The following ZNF519 variants were observed in gnomAD, a reference collection of about 807,000 sequenced individuals.
The protein encoded by ZNF519 is zinc finger protein 519, also known as similar to Zinc finger protein 85 (Zinc finger protein HPF4) (HTF1).
A neutral mutation model predicts 7.4 loss-of-function variants in ZNF519; 7 were observed. That is an observed-to-expected ratio of 0.94 (90% confidence interval 0.54 to 1.77). ZNF519 has a LOEUF of 1.77. ZNF519 is among the 40% of genes most tolerant of loss of function. The pLI is 0.00. For synonymous variants in ZNF519, 179 were observed against 203.3 expected (o/e 0.88, Z 1.02); for missense variants, 586 against 623.1 (o/e 0.94, Z 0.63).
chr18:14,117,313 T>C lies in ZNF519; in HGVS notation c.130+7037A>G, dbSNP rs374642024. 7.9e-5 allele frequency among the ~76,000 whole-genome samples: 12 copies of C among 152,242 alleles called. No individual in the cohort carries two copies. In the East Asian group the frequency reaches 2.3e-3, roughly 29 times the overall value. On this transcript the variant is annotated intron_variant, in intron 2 of 2. Coordinates refer to ENST00000590202, the MANE Select transcript of ZNF519 (RefSeq NM_145287.4). ...TTCTCCAAAGATGAAATAATACACA[T>C]AGCAATTACTGAAAACATTTCTAGT...
intron 2 of ZNF519, among the ~76,000 whole-genome samples, chr18:14,121,094 C>G (rs1309552223): frequency 1.3e-5 from 2 of 151,996 alleles, no homozygotes; most frequent in African/African-American, 4.8e-5. Context: ...GAAAGACAAA[C>G]TGTATGTTCT....
rs1466539872 is a variant in ZNF519 at position 14,106,234 on chromosome 18, G to A, written c.306C>T (p.Ser102=). ...TGTTATGACTAGTTGTCAAATATTG[G>A]CTACATAGATTATAACATTCCTTTT... The part of the protein sequence containing the change: ...EGQKECYNLC[S]QYLTTSHNKH... The change falls in exon 3 of 3, where the codon AGC becomes AGT. Residue 102 remains serine, a synonymous_variant. Transcript: ENST00000590202. 3 of 1,613,412 alleles carry A rather than the reference G, an allele frequency of 1.9e-6. No individual in the cohort carries two copies. The highest frequency in any genetic ancestry group is 1.7e-5 in the Admixed American group (1 of 59,908).
intron 2 of ZNF519, among the ~76,000 whole-genome samples, chr18:14,111,799 A>G (rs1189618611): frequency 3.3e-5 from 5 of 152,164 alleles, no homozygotes; most frequent in African/African-American, 1.2e-4. Flanking sequence ...ACCTCCTATG[A>G]GAGAAAAGCC....
At chr18:14,127,716 G>A (rs979224378) in intron 1 of ZNF519, among the ~76,000 whole-genome samples, 15 of 152,106 alleles carry the variant, frequency 9.9e-5, no homozygotes, top group Non-Finnish European at 1.9e-4. Flanking sequence ...AAGATGCCAG[G>A]AGCACTAATG....
chr18:14,128,593 A>G (rs2046313318), intron 1 of ZNF519, among the ~76,000 whole-genome samples: 1 of 151,706 alleles, frequency 6.6e-6, no homozygotes. Flanking sequence ...GCAGCCTTCT[A>G]CTCTCCTACA....
rs969451175 is a variant in ZNF519 at position 14,100,068 on chromosome 18, C to T, written c.*4849G>A. On this transcript the variant is annotated 3_prime_UTR_variant, in exon 3 of 3. Transcript: ENST00000590202. ...ATGCAGACATGAATAAACATTTCAT[C>T]AGAGATAATAGGCAGATGTCATATG... The T allele has an allele frequency of 3.0e-4, 45 of 152,188 alleles. No homozygotes were observed. Among genetic ancestry groups the T allele is most frequent in the African/African-American group, 1.1e-3 (45 of 41,510 alleles). 9.4% of individuals were successfully genotyped at this position (152,188 alleles called of 1,614,324 possible). A position where few individuals can be genotyped will look rare whatever the true frequency, so the allele number is the denominator to read the frequency against.
At chr18:14,090,658 G>A (rs1315497420) in intron 2 of ZNF519, 1 of 152,262 alleles carries the variant, frequency 6.6e-6, no homozygotes, top group Non-Finnish European at 1.5e-5. Context: ...CCATCTGAGG[G>A]TCCAGGGGAG....
intron 2 of ZNF519, among the ~76,000 whole-genome samples, chr18:14,087,812 C>A (rs1567939943): frequency 2.0e-5 from 3 of 152,184 alleles, no homozygotes; most frequent in African/African-American, 7.2e-5. Flanking sequence ...ACAATACCAT[C>A]ATTGTCATCA....
intron 2 of ZNF519, among the ~76,000 whole-genome samples, chr18:14,116,442 A>C (rs2046246327): frequency 6.6e-6 from 1 of 152,222 alleles, no homozygotes; most frequent in Non-Finnish European, 1.5e-5. Context: ...ACATAAATAA[A>C]AACAGTGCGG....
intron 2 of ZNF519, among the ~76,000 whole-genome samples, chr18:14,088,887 G>A (rs1358383730): frequency 6.6e-6 from 1 of 151,866 alleles, no homozygotes; most frequent in Non-Finnish European, 1.5e-5. Flanking sequence ...GGACAAGGAG[G>A]ACTTTGGAAA....
chr18:14,109,124 A>T (rs982838241), intron 2 of ZNF519, among the ~76,000 whole-genome samples: 22 of 151,758 alleles, frequency 1.4e-4, no homozygotes, highest in Non-Finnish European at 2.2e-4. Flanking sequence ...TCTCAAAAAA[A>T]AAAAAAAAAA....
In ZNF519 at chr18:14,077,712, G is replaced by A. The variant is rs1041444350; in HGVS notation, c.*277-186C>T. On this transcript the variant is annotated intron_variant and NMD_transcript_variant, in intron 4 of 4. Coordinates refer to the ZNF519 transcript ENST00000587419. The stretch of plus-strand genomic sequence containing the variant: ...GACAGGACTCATGTAGATGGAGCAG[G>A]AAATGCTGAGATCTGGGACATGAGG... 2.3e-4 allele frequency among the ~76,000 whole-genome samples: 35 copies of A among 152,244 alleles called. 1 individual carries two copies. The South Asian group carries it at 3.7e-3, about 16-fold the overall frequency.
intron 3 of ZNF519, among the ~76,000 whole-genome samples, chr18:14,083,197 A>C (rs950992046): frequency 6.6e-6 from 1 of 152,092 alleles, no homozygotes; most frequent in Admixed American, 6.5e-5. Context: ...TAAAAATACA[A>C]AAATCAGCCG....
At chr18:14,111,155 G>A (rs1372075337) in intron 2 of ZNF519, among the ~76,000 whole-genome samples, 1 of 128,996 alleles carries the variant, frequency 7.8e-6, no homozygotes, top group Non-Finnish European at 1.7e-5. Flanking sequence ...TCAATAAAAT[G>A]CAAAGTTGTT....
intron 2 of ZNF519, among the ~76,000 whole-genome samples, chr18:14,087,567 A>C (rs1385088889): frequency 6.6e-6 from 1 of 152,154 alleles, no homozygotes; most frequent in East Asian, 1.9e-4. Context: ...TCAGCCAGAT[A>C]ACACAGGCAG....
intron 2 of ZNF519, among the ~76,000 whole-genome samples, chr18:14,092,489 C>T (rs546112416): frequency 1.3e-5 from 2 of 152,186 alleles, no homozygotes; most frequent in Admixed American, 6.5e-5. Context: ...AGTGAAGTTA[C>T]CACAACAGAG....
chr18:14,093,543 GCTA>G (rs972850020), intron 2 of ZNF519, among the ~76,000 whole-genome samples: 3 of 151,974 alleles, frequency 2.0e-5, no homozygotes, highest in Non-Finnish European at 4.4e-5. Flanking sequence ...ATTCTTAATG[GCTA>G]CTATTAAAAG....
At chr18:14,086,149 G>C (rs1358065820) in intron 2 of ZNF519, among the ~76,000 whole-genome samples, 1 of 152,196 alleles carries the variant, frequency 6.6e-6, no homozygotes, top group Non-Finnish European at 1.5e-5. Flanking sequence ...ACAGGGCTTT[G>C]CCTGGCAATG....
rs933374794 is a variant in ZNF519, at chr18:14,102,169, C to A, written c.*2748G>T. 6.6e-6 allele frequency: 1 copy of A among 152,374 alleles called. No individual in the cohort carries two copies. Among genetic ancestry groups the A allele is most frequent in the Admixed American group, 6.5e-5 (1 of 15,270 alleles). 9.4% of individuals were successfully genotyped at this position (152,374 alleles called of 1,614,324 possible). On this transcript the variant is annotated 3_prime_UTR_variant, in exon 3 of 3. Transcript: ENST00000590202. The stretch of plus-strand genomic sequence containing the variant: ...GATGGAGTCTCACATGTTGCCCAGG[C>A]TGAATTTACTTATTTAGAGATGGAG...
Sources: gnomAD v4.1 joint callset for allele counts (sites outside exome capture counted in the v4.1 genomes callset) on GRCh38, gnomAD v4.1.1 for gene constraint, MANE v1.5 for transcripts, NCBI Gene and HGNC (gene_info 2026-07-23, HGNC 2026-07-21) for gene names.